Variants in TMCO4 observed in about 807,000 individuals in gnomAD.
TMCO4 encodes transmembrane and coiled-coil domain-containing protein 4.
In TMCO4, 58 loss-of-function variants were observed where a neutral mutation model predicts 64.7. The ratio of observed to expected loss-of-function variants is 0.90; its 90% CI spans 0.73 to 1.12. TMCO4 has a LOEUF of 1.12. TMCO4 is among the 50% of genes most tolerant of loss of function. The probability of loss-of-function intolerance (pLI) is 0.00; values close to 1 mark genes in which losing one functional copy is unlikely to be tolerated. For missense variants in TMCO4, 780 were observed against 825.9 expected, an observed-to-expected ratio of 0.94 and a Z score of 0.68; for synonymous variants, 325 against 346.1, an observed-to-expected ratio of 0.94 and a Z score of 0.68.
At chr1:19,740,366 A>T (rs748194842) in intron 11 of TMCO4, among the ~76,000 whole-genome samples, 5 of 152,196 alleles carry the variant, frequency 3.3e-5, no homozygotes, top group Non-Finnish European at 7.3e-5. Context: ...TATCATTGAC[A>T]TGGGCTTGCC....
At position 19,682,695 on chromosome 1, in the gene TMCO4, T is replaced by A. The variant is rs1437470846; in HGVS notation, c.*345A>T. On this transcript the variant is annotated 3_prime_UTR_variant, in exon 16 of 16. Coordinates refer to ENST00000294543, the MANE Select transcript of TMCO4 (RefSeq NM_181719.7). Reference sequence around the variant, plus strand: ...CCAGAGAGCCCTCGGGACCTCCTGATGGACAGCCAGACTCCAAAGCTATGA... The same window carrying A: ...CCAGAGAGCCCTCGGGACCTCCTGAAGGACAGCCAGACTCCAAAGCTATGA... 1.4e-6 allele frequency: 1 copy of A among 717,692 alleles called. No individual in the cohort carries two copies. The highest frequency in any genetic ancestry group is 2.3e-4 in the Middle Eastern group (1 of 4,372). The allele number at this position is 717,692 out of a possible 1,614,324, so 44.5% of individuals were successfully genotyped here.
chr1:19,699,679 A>G (rs1476799575), intron 14 of TMCO4, among the ~76,000 whole-genome samples: 1 of 151,924 alleles, frequency 6.6e-6, no homozygotes, highest in Non-Finnish European at 1.5e-5. Context: ...TCAGCCTCCC[A>G]CCATGCTGCC....
intron 13 of TMCO4, among the ~76,000 whole-genome samples, chr1:19,725,776 A>G (rs530275091): frequency 2.1e-4 from 32 of 152,262 alleles, no homozygotes; most frequent in Middle Eastern, 3.4e-3. Context: ...CTTGGTTTTG[A>G]GTGGGCAGAG....
chr1:19,743,821 G>A lies in TMCO4; in HGVS notation c.877+1711C>T, dbSNP rs894002806. Among the ~76,000 whole-genome samples, 2 of 152,196 alleles carry A rather than the reference G, an allele frequency of 1.3e-5. No homozygotes were observed. The highest frequency in any genetic ancestry group is 2.4e-5 in the African/African-American group (1 of 41,442). On this transcript the variant is annotated intron_variant, in intron 10 of 15. Coordinates refer to ENST00000294543, the MANE Select transcript of TMCO4 (RefSeq NM_181719.7). The surrounding 1 kb of genome is among the most constrained non-coding windows in gnomAD (Gnocchi z 4.1). ...GTGCATCTGCTACTCCCCTGCCAGG[G>A]TTCCTCTTCCAACAGATCAGGGTCA...
chr1:19,777,347 C>CT (rs35543721), intron 4 of TMCO4, among the ~76,000 whole-genome samples: 3,058 of 129,262 alleles, frequency 0.024, 120 homozygotes, highest in African/African-American at 0.08. Flanking sequence ...ACCCAAAGGC[C>CT]TTTTTTTTTT....
At chr1:19,781,144 C>CAAAAAAAAAAAAAAAAA (rs535767635) in intron 3 of TMCO4, among the ~76,000 whole-genome samples, 1 of 52,604 alleles carries the variant, frequency 1.9e-5, no homozygotes, top group Non-Finnish European at 3.8e-5. Flanking sequence ...GACTCCATCT[C>CAAAAAAAAAAAAAAAAA]AAAAAAAAAA....
At chr1:19,744,887 G>A (rs1049161276) in intron 10 of TMCO4, among the ~76,000 whole-genome samples, 38 of 152,170 alleles carry the variant, frequency 2.5e-4, no homozygotes, top group African/African-American at 8.7e-4. Context: ...GGGAGTAGAG[G>A]CCATGGCTGT....
intron 4 of TMCO4, among the ~76,000 whole-genome samples, chr1:19,778,376 C>T (rs1026681535): frequency 6.6e-5 from 10 of 152,062 alleles, no homozygotes; most frequent in South Asian, 4.1e-4. Flanking sequence ...CGGGTTCAAG[C>T]GATTCTCCTG....
intron 15 of TMCO4, among the ~76,000 whole-genome samples, chr1:19,688,123 C>T (rs890397348): frequency 2.6e-5 from 4 of 152,222 alleles, no homozygotes; most frequent in African/African-American, 4.8e-5. Flanking sequence ...CCGGATGTGA[C>T]TGGCGTGCAG....
At chr1:19,768,806 A>G (rs913146923) in intron 6 of TMCO4, among the ~76,000 whole-genome samples, 2 of 151,172 alleles carry the variant, frequency 1.3e-5, no homozygotes, top group African/African-American at 4.8e-5. Flanking sequence ...GCAGATCCCA[A>G]TCAGCGGGTC....
chr1:19,715,009 G>A (rs947183549), intron 13 of TMCO4, among the ~76,000 whole-genome samples: 3 of 152,054 alleles, frequency 2.0e-5, no homozygotes, highest in East Asian at 1.9e-4. Context: ...TTTGGAGGCC[G>A]AGGTGGCAGG....
chr1:19,748,102 T>G (rs530575918), intron 7 of TMCO4, among the ~76,000 whole-genome samples: 1 of 152,344 alleles, frequency 6.6e-6, no homozygotes, highest in African/African-American at 2.4e-5. Context: ...AGAAGCAGTA[T>G]GGTTATTGTA....
chr1:19,798,626 G>C (rs970685505), intron 1 of TMCO4, among the ~76,000 whole-genome samples: 4 of 152,166 alleles, frequency 2.6e-5, no homozygotes, highest in African/African-American at 9.7e-5. Context: ...ATCTCTGTCT[G>C]ATGCTGCACA....
intron 7 of TMCO4, among the ~76,000 whole-genome samples, chr1:19,749,707 C>T (rs528916555): frequency 8.0e-4 from 122 of 152,144 alleles, no homozygotes; most frequent in Non-Finnish European, 1.5e-3. Flanking sequence ...GAAAGTGATT[C>T]ATCTTCTTTC....
intron 13 of TMCO4, among the ~76,000 whole-genome samples, chr1:19,701,566 C>A (rs765701727): frequency 1.3e-5 from 2 of 152,270 alleles, no homozygotes; most frequent in East Asian, 3.9e-4. Flanking sequence ...GAACCCAGGT[C>A]TCTCTCCACC....
chr1:19,725,226 A>G (rs538528066), intron 13 of TMCO4, among the ~76,000 whole-genome samples: 3 of 152,216 alleles, frequency 2.0e-5, no homozygotes, highest in African/African-American at 7.2e-5. Flanking sequence ...TGCTGAATGA[A>G]GACACCTGCA....
At chr1:19,753,201 C>T (rs1001386518) in intron 7 of TMCO4, among the ~76,000 whole-genome samples, 1 of 152,048 alleles carries the variant, frequency 6.6e-6, no homozygotes, top group Non-Finnish European at 1.5e-5. Context: ...CTCTGGTGAT[C>T]CACCCGCCTC....
chr1:19,690,420 G>A (rs1003911036), intron 15 of TMCO4, among the ~76,000 whole-genome samples: 8 of 152,236 alleles, frequency 5.3e-5, no homozygotes, highest in Admixed American at 1.3e-4. Context: ...TCAGGGTTGT[G>A]GGTACCCCTG....
chr1:19,765,849 C>A (rs117591340), intron 6 of TMCO4, among the ~76,000 whole-genome samples: 1 of 152,156 alleles, frequency 6.6e-6, no homozygotes, highest in Non-Finnish European at 1.5e-5. Flanking sequence ...ATTTCCTGGG[C>A]TGACTCCGTG....
Sources: gnomAD v4.1 joint callset for allele counts (sites outside exome capture counted in the v4.1 genomes callset) on GRCh38, gnomAD v4.1.1 for gene constraint, Gnocchi (gnomAD v3.1) non-coding constraint, MANE v1.5 for transcripts, NCBI Gene and HGNC (gene_info 2026-07-23, HGNC 2026-07-21) for gene names.